The following RGL1 variants were observed in gnomAD, a reference collection of about 807,000 sequenced individuals.
RGL1 encodes the protein ral guanine nucleotide dissociation stimulator-like 1.
In RGL1, 24 loss-of-function variants were observed where a neutral mutation model predicts 95.2. The ratio of observed to expected loss-of-function variants is 0.25; its 90% CI spans 0.18 to 0.35. The LOEUF (loss-of-function observed/expected upper bound fraction) is 0.35. RGL1 is among the 10% of genes least tolerant of loss of function. RGL1 has a pLI of 1.00. For synonymous variants in RGL1, 329 were observed against 344.9 expected, an observed-to-expected ratio of 0.95 and a Z score of 0.51; for missense variants, 715 against 936.3, an observed-to-expected ratio of 0.76 and a Z score of 3.08.
chr1:183,781,939 A>G (rs929154432), intron 2 of RGL1, among the ~76,000 whole-genome samples: 9 of 152,250 alleles, frequency 5.9e-5, no homozygotes, highest in Non-Finnish European at 1.3e-4. Context: ...TAGATAGAAA[A>G]ATAATATTTT....
chr1:183,668,727 A>G (rs1015346991), intron 1 of RGL1, among the ~76,000 whole-genome samples: 11 of 151,924 alleles, frequency 7.2e-5, no homozygotes, highest in African/African-American at 2.7e-4. Flanking sequence ...AGCTTCCTAG[A>G]TCTGTGGATT....
intron 2 of RGL1, among the ~76,000 whole-genome samples, chr1:183,748,595 T>TG (rs568640823): frequency 8.6e-4 from 130 of 151,960 alleles, no homozygotes; most frequent in African/African-American, 2.9e-3. Context: ...TTAGTAGAGT[T>TG]GGGGGTCTCA....
chr1:183,698,263 C>G (rs1196049571), intron 1 of RGL1, among the ~76,000 whole-genome samples: 1 of 152,206 alleles, frequency 6.6e-6, no homozygotes, highest in East Asian at 1.9e-4. Context: ...TGTAACACCC[C>G]TTTTTCCTTT....
chr1:183,813,758 C>A (rs373901215), intron 2 of RGL1, among the ~76,000 whole-genome samples: 4 of 152,180 alleles, frequency 2.6e-5, no homozygotes, highest in Non-Finnish European at 4.4e-5. Flanking sequence ...TTTATCCTAG[C>A]AGCTGACATT....
intron 2 of RGL1, among the ~76,000 whole-genome samples, chr1:183,824,604 TA>T (rs1287925014): frequency 6.6e-6 from 1 of 152,226 alleles, no homozygotes; most frequent in Non-Finnish European, 1.5e-5. Context: ...TACTTGACCT[TA>T]ACAATTTTGA....
At chr1:183,754,347 C>G (rs1329340592) in intron 2 of RGL1, 1 of 152,154 alleles carries the variant, frequency 6.6e-6, no homozygotes, top group Non-Finnish European at 1.5e-5. Flanking sequence ...TCCCTACTTG[C>G]TTTAAGGTAA....
intron 2 of RGL1, among the ~76,000 whole-genome samples, chr1:183,776,350 G>T (rs917687963): frequency 2.0e-5 from 3 of 151,368 alleles, no homozygotes; most frequent in South Asian, 2.1e-4. Context: ...GGGTTTCACC[G>T]TGTTAGCCAG....
At chr1:183,926,047 G>A (rs4650646) in intron 17 of RGL1, 58 bp from the exon 18 acceptor site, 2 of 1,483,232 alleles carry the variant, frequency 1.3e-6, no homozygotes, top group Middle Eastern at 3.5e-4. Flanking sequence ...AGCTGCCGTT[G>A]TCAGTACTGA....
intron 1 of RGL1, among the ~76,000 whole-genome samples, chr1:183,713,662 T>G (rs2102183111): frequency 6.6e-6 from 1 of 152,286 alleles, no homozygotes; most frequent in Middle Eastern, 3.4e-3. Context: ...GAGAAAGCAC[T>G]GTCTGTGAAC....
At chr1:183,653,561 A>T (rs933484020) in intron 1 of RGL1, among the ~76,000 whole-genome samples, 2 of 152,190 alleles carry the variant, frequency 1.3e-5, no homozygotes, top group Non-Finnish European at 2.9e-5. Context: ...GGTCTAGAGT[A>T]GGTGCCAGGC....
At position 183,659,284 on chromosome 1, in the gene RGL1, A is replaced by T. The variant is rs1414073935; in HGVS notation, c.-33+22783A>T. ...GAGCTACAGGAGGAAATTCAAACCAAAGGCAAAGAAGTTGAAAACTTTGAA... is the reference window on the plus strand; with the variant it reads ...GAGCTACAGGAGGAAATTCAAACCATAGGCAAAGAAGTTGAAAACTTTGAA... On this transcript the variant is annotated intron_variant, in intron 1 of 18. Transcript: ENST00000304685. Among the ~76,000 whole-genome samples, 5 of 152,320 alleles carry T rather than the reference A, an allele frequency of 3.3e-5. No homozygotes were observed. The South Asian group carries it at 1.0e-3, about 32-fold the overall frequency.
intron 2 of RGL1, among the ~76,000 whole-genome samples, chr1:183,827,723 T>C (rs1662969108): frequency 1.3e-5 from 2 of 152,368 alleles, no homozygotes; most frequent in African/African-American, 4.8e-5. Context: ...TTATTCCCTC[T>C]CTTTCATTAT....
chr1:183,683,147 T>C lies in RGL1; in HGVS notation c.-33+46646T>C, dbSNP rs985339547. ...CAATTTGCCAGTCTGTGTCTTTTAA[T>C]TGGGGCATTTAGCCCATTTACATTT... On this transcript the variant is annotated intron_variant, in intron 1 of 18. Transcript: ENST00000304685. Among the ~76,000 whole-genome samples, 9 of 152,346 alleles carry C rather than the reference T, an allele frequency of 5.9e-5. No homozygotes were observed. The East Asian group carries it at 1.5e-3, about 26-fold the overall frequency.
rs145808796 is a variant in RGL1 at position 183,916,376 on chromosome 1, G to C, written c.1750-71G>C. On this transcript the variant is annotated intron_variant, in intron 15 of 17. Transcript: ENST00000360851. ...TCTATCAGTCTTGATATCTACCTCT[G>C]CTTTGAAAATTGCAAAGCTGTTGGC... 9.3e-5 allele frequency: 146 copies of C among 1,569,002 alleles called. No homozygotes were observed. The East Asian group carries it at 3.1e-3, about 33-fold the overall frequency.
intron 1 of RGL1, among the ~76,000 whole-genome samples, chr1:183,668,005 G>A (rs969613569): frequency 9.8e-4 from 29 of 29,450 alleles, no homozygotes; most frequent in African/African-American, 1.7e-3. Context: ...TTATATATAT[G>A]TGTGTGTGTG....
At chr1:183,760,594 CAA>C (rs71555414) in intron 2 of RGL1, among the ~76,000 whole-genome samples, 1 of 90,672 alleles carries the variant, frequency 1.1e-5, no homozygotes, top group South Asian at 3.4e-4. Context: ...AAAAAAAAAA[CAA>C]ACCTGGGTGT....
intron 1 of RGL1, among the ~76,000 whole-genome samples, chr1:183,708,893 A>G (rs1171959105): frequency 6.6e-6 from 1 of 152,176 alleles, no homozygotes; most frequent in African/African-American, 2.4e-5. Flanking sequence ...CCCCTTCCAG[A>G]TTTCGGCACC....
chr1:183,878,924 A>T (rs188401325), intron 4 of RGL1, among the ~76,000 whole-genome samples: 484 of 152,336 alleles, frequency 3.2e-3, no homozygotes, highest in African/African-American at 0.011. Flanking sequence ...AAGCAAGTAT[A>T]GTGGTGTTAA....
intron 16 of RGL1, among the ~76,000 whole-genome samples, chr1:183,919,857 G>A (rs566394406): frequency 3.6e-4 from 55 of 152,294 alleles, no homozygotes; most frequent in South Asian, 1.5e-3. Context: ...CACTGGCCAC[G>A]GGTGGCGATG....
Sources: gnomAD v4.1 joint callset for allele counts (sites outside exome capture counted in the v4.1 genomes callset) on GRCh38, gnomAD v4.1.1 for gene constraint, MANE v1.5 for transcripts, NCBI Gene and HGNC (gene_info 2026-07-23, HGNC 2026-07-21) for gene names.